SLC25A26: variants seen among roughly 807,000 people sequenced by gnomAD.
SLC25A26 encodes solute carrier family 25 member 26, also known as mitochondrial S-adenosylmethionine carrier protein.
SLC25A26 carries 36 observed loss-of-function variants against 37.8 expected under a neutral mutation model. The observed-to-expected ratio is 0.95, with a 90% CI of 0.73 to 1.26. SLC25A26 has a LOEUF of 1.26. Ranked by LOEUF, SLC25A26 falls within the 50% of genes most tolerant of loss-of-function variation. SLC25A26 has a pLI of 0.00. For missense variants in SLC25A26, 390 were observed against 331.1 expected (o/e 1.18, Z -1.38); for synonymous variants, 129 against 122.5 (o/e 1.05, Z -0.35).
rs563489081 is a variant in SLC25A26, at chr3:66,357,644, C to T, written c.499-5216C>T. ...GCCTTGACAGAAATGATCATTAGAC[C>T]TCTGTGGCAATGAAATTACTTATTT... On this transcript the variant is annotated intron_variant, in intron 6 of 9. Transcript: ENST00000354883. Among the ~76,000 whole-genome samples the T allele has an allele frequency of 9.4e-4, 143 of 151,944 alleles. 1 individual carries two copies. The highest frequency in any genetic ancestry group is 3.2e-3 in the African/African-American group (132 of 41,440).
chr3:66,285,358 T>A (rs541077000), intron 5 of SLC25A26, among the ~76,000 whole-genome samples: 43 of 151,728 alleles, frequency 2.8e-4, no homozygotes, highest in African/African-American at 1.0e-3. Context: ...GATAAATTTA[T>A]CAAAGGCACT....
chr3:66,253,031 C>G (rs970647216), intron 3 of SLC25A26, among the ~76,000 whole-genome samples: 2 of 148,358 alleles, frequency 1.3e-5, no homozygotes, highest in Non-Finnish European at 3.0e-5. Context: ...ATGCCCCCCC[C>G]CCCCCATAAA....
chr3:66,148,446 G>A (rs2070151748), intron 1 of SLC25A26, among the ~76,000 whole-genome samples: 1 of 152,302 alleles, frequency 6.6e-6, no homozygotes, highest in South Asian at 2.1e-4. Context: ...ACCATGGCGA[G>A]GATGGAGGGC....
intron 5 of SLC25A26, among the ~76,000 whole-genome samples, chr3:66,280,291 G>C (rs1321914490): frequency 1.3e-5 from 2 of 152,174 alleles, no homozygotes; most frequent in African/African-American, 4.8e-5. Context: ...CCATATGCCA[G>C]ATGAGGTACT....
At chr3:66,366,170 A>G (rs960840403) in intron 7 of SLC25A26, among the ~76,000 whole-genome samples, 2 of 152,242 alleles carry the variant, frequency 1.3e-5, no homozygotes, top group Admixed American at 1.3e-4. Flanking sequence ...GACCATAGAA[A>G]ACTGTTTCAC....
At chr3:66,264,660 C>T (rs1263586034) in intron 5 of SLC25A26, among the ~76,000 whole-genome samples, 1 of 152,170 alleles carries the variant, frequency 6.6e-6, no homozygotes, top group Non-Finnish European at 1.5e-5. Flanking sequence ...CAGTTTCATC[C>T]TGAAACCACC....
At chr3:66,257,432 A>G (rs1342249577) in intron 3 of SLC25A26, among the ~76,000 whole-genome samples, 4 of 152,132 alleles carry the variant, frequency 2.6e-5, no homozygotes, top group African/African-American at 7.2e-5. Flanking sequence ...GCCACAGTCT[A>G]GGGCCGCAGA....
At chr3:66,335,052 G>T (rs971635227) in intron 5 of SLC25A26, among the ~76,000 whole-genome samples, 1 of 152,188 alleles carries the variant, frequency 6.6e-6, no homozygotes, top group African/African-American at 2.4e-5. Context: ...ATTACTTGTG[G>T]TAGAGTGTTT....
chr3:66,142,086 A>T (rs1576591711), intron 1 of SLC25A26, among the ~76,000 whole-genome samples: 2 of 152,214 alleles, frequency 1.3e-5, no homozygotes, highest in Non-Finnish European at 2.9e-5. Context: ...TTCAATTCTG[A>T]AACATTTTCA....
At chr3:66,155,531 A>G (rs1382266555) in intron 1 of SLC25A26, among the ~76,000 whole-genome samples, 2 of 152,214 alleles carry the variant, frequency 1.3e-5, no homozygotes, top group Admixed American at 6.5e-5. Flanking sequence ...AAAGGAAAGA[A>G]AGAAAAGGGA....
intron 5 of SLC25A26, among the ~76,000 whole-genome samples, chr3:66,329,333 C>T (rs1224044658): frequency 2.0e-5 from 3 of 152,252 alleles, no homozygotes; most frequent in East Asian, 1.9e-4. Context: ...TAAAATTCTG[C>T]ATCCTTCTGT....
At chr3:66,226,041 A>T (rs1487204335) in intron 1 of SLC25A26, among the ~76,000 whole-genome samples, 3 of 152,162 alleles carry the variant, frequency 2.0e-5, no homozygotes, top group South Asian at 2.1e-4. Context: ...CCCATTCTGA[A>T]GTCGCTTCCA....
intron 7 of SLC25A26, among the ~76,000 whole-genome samples, chr3:66,366,739 A>G (rs1477746533): frequency 6.6e-6 from 1 of 152,230 alleles, no homozygotes; most frequent in Non-Finnish European, 1.5e-5. Flanking sequence ...ACATTTTCAC[A>G]TACGAAAGTG....
intron 6 of SLC25A26, among the ~76,000 whole-genome samples, chr3:66,360,850 G>T (rs927130754): frequency 2.6e-5 from 4 of 152,192 alleles, no homozygotes; most frequent in African/African-American, 9.7e-5. Context: ...CATGGGTTTG[G>T]TGCCTCCCAA....
In SLC25A26 at chr3:66,221,038, G is replaced by A. The variant is rs1334449890; in HGVS notation, c.-57G>A. 3.3e-6 allele frequency: 5 copies of A among 1,528,836 alleles called. No homozygotes were observed. The highest frequency in any genetic ancestry group is 4.4e-6 in the Non-Finnish European group (5 of 1,139,920). 94.7% of individuals were successfully genotyped at this position (1,528,836 alleles called of 1,614,324 possible). ...AACATGGCGGCGCCCAGCGCGCGAG[G>A]ACGTGATCCGCTTCTGCTCCGGCTT... On this transcript the variant is annotated 5_prime_UTR_variant, in exon 1 of 10. Transcript: ENST00000354883.
intron 5 of SLC25A26, among the ~76,000 whole-genome samples, chr3:66,271,115 G>A (rs2073942250): frequency 6.6e-6 from 1 of 152,134 alleles, no homozygotes; most frequent in African/African-American, 2.4e-5. Flanking sequence ...TTTAAACGTT[G>A]TGACCATAAA....
intron 5 of SLC25A26, among the ~76,000 whole-genome samples, chr3:66,277,361 T>G (rs1355815779): frequency 6.6e-6 from 1 of 152,050 alleles, no homozygotes; most frequent in Non-Finnish European, 1.5e-5. Context: ...AGACAAATAT[T>G]GTATTATATG....
At chr3:66,246,363 C>T (rs1284166519) in intron 3 of SLC25A26, among the ~76,000 whole-genome samples, 1 of 152,106 alleles carries the variant, frequency 6.6e-6, no homozygotes, top group Non-Finnish European at 1.5e-5. Flanking sequence ...TATAAACTTT[C>T]AGTCCAAAAA....
At chr3:66,315,071 G>T (rs1410354270) in intron 5 of SLC25A26, among the ~76,000 whole-genome samples, 1 of 135,810 alleles carries the variant, frequency 7.4e-6, no homozygotes, top group African/African-American at 3.0e-5. Flanking sequence ...CTAGCTCCTG[G>T]ATTCTTTGAT....
Sources: allele counts gnomAD v4.1 joint callset (sites outside exome capture counted in the v4.1 genomes callset), GRCh38; gene constraint gnomAD v4.1.1; transcripts MANE v1.5; gene names NCBI Gene and HGNC (gene_info 2026-07-23, HGNC 2026-07-21).